ZHX3: variants seen among roughly 807,000 people sequenced by gnomAD.
ZHX3 encodes zinc fingers and homeoboxes 3, also known as zinc fingers and homeoboxes protein 3.
In ZHX3, 20 loss-of-function variants were observed where a neutral mutation model predicts 64.5. The ratio of observed to expected loss-of-function variants is 0.31; its 90% CI spans 0.22 to 0.45. ZHX3 has a LOEUF of 0.45. Ranked by LOEUF, ZHX3 falls within the 20% of genes least tolerant of loss-of-function variation. ZHX3 has a pLI of 1.00. For missense variants in ZHX3, 1,041 were observed against 1,195.8 expected (o/e 0.87, Z 1.91); for synonymous variants, 423 against 461.6 (o/e 0.92, Z 1.07).
chr20:41,225,341 C>T (rs756191900), intron 2 of ZHX3, among the ~76,000 whole-genome samples: 1 of 152,216 alleles, frequency 6.6e-6, no homozygotes, highest in Admixed American at 6.5e-5. Context: ...CTAATTACCA[C>T]CACATCCCAC....
chr20:41,291,746 A>C (rs1405527239), intron 1 of ZHX3, among the ~76,000 whole-genome samples: 1 of 152,116 alleles, frequency 6.6e-6, no homozygotes. Flanking sequence ...TGGGCCATCA[A>C]TTAAAAGTAA....
chr20:41,317,348 G>A (rs941059144), intron 1 of ZHX3, among the ~76,000 whole-genome samples, 161 bp downstream of exon 1: 33 of 152,276 alleles, frequency 2.2e-4, no homozygotes, highest in Admixed American at 1.6e-3. Flanking sequence ...AGGGGCAGCC[G>A]GCGGGAGGGG....
rs577898262 is a variant in ZHX3, at chr20:41,201,744, G to A, written c.2860+313C>T. On this transcript the variant is annotated intron_variant, in intron 3 of 3. Coordinates refer to ENST00000683867, the MANE Select transcript of ZHX3 (RefSeq NM_001384317.1). The surrounding 1 kb of genome is among the most constrained non-coding windows in gnomAD (Gnocchi z 5.0). ...TGGCTGTGGATCTGCCCGACTCAGA[G>A]GATGTTTTGACCTGTTCTCCTATTG... is the stretch of plus-strand genomic sequence containing the variant. Among the ~76,000 whole-genome samples the A allele has an allele frequency of 1.8e-4, 28 of 152,308 alleles. No homozygotes were observed. Among genetic ancestry groups the A allele is most frequent in the African/African-American group, 6.7e-4 (28 of 41,572 alleles).
chr20:41,228,951 G>A lies in ZHX3; in HGVS notation c.-150-23885C>T, dbSNP rs1481071252. Among the ~76,000 whole-genome samples the A allele has an allele frequency of 6.6e-6, 1 of 152,110 alleles. No individual in the cohort carries two copies. The highest frequency in any genetic ancestry group is 1.5e-5 in the Non-Finnish European group (1 of 68,026). On this transcript the variant is annotated intron_variant, in intron 2 of 3. Coordinates refer to ENST00000683867, the MANE Select transcript of ZHX3 (RefSeq NM_001384317.1). The surrounding 1 kb of genome is among the most constrained non-coding windows in gnomAD (Gnocchi z 4.6). ...CATCTTAATCATTTTTAGGTGGAGA[G>A]TTCAGTAGCATTAAGTATTAACACA... is the stretch of plus-strand genomic sequence containing the variant.
intron 2 of ZHX3, among the ~76,000 whole-genome samples, chr20:41,253,857 G>GTATTTTTAGTAGAGATGAGGTTTCACCA (rs1472757783): frequency 6.6e-6 from 1 of 152,128 alleles, no homozygotes; most frequent in Non-Finnish European, 1.5e-5. Flanking sequence ...GTAAAATACT[G>GTATTTTTAGTAGAGATGAGGTTTCACCA]ATGGCTGAAA....
In ZHX3 at chr20:41,202,422, C is replaced by T. The variant is rs200260351; in HGVS notation, c.2495G>A (p.Arg832Gln). 256 of 1,614,142 alleles carry T rather than the reference C, an allele frequency of 1.6e-4. No homozygotes were observed. Among genetic ancestry groups the T allele is most frequent in the Non-Finnish European group, 2.0e-4 (234 of 1,180,008 alleles). Residue 832 changes from arginine (R) to glutamine (Q), a missense_variant, in exon 3 of 4, where the codon CGA (arginine) becomes CAA (glutamine). Transcript: ENST00000683867. This position sits in a 1 kb window ranked among gnomAD's most constrained non-coding sequence, Gnocchi z 7.0. ...GQLKWYEDYK[R>Q]GNFPPGLLVI... is the part of the protein sequence containing the mutation. ...CAGTAGCCCTGGTGGGAAGTTGCCTCGCTTATAGTCTTCGTACCATTTGAG... is the reference window on the plus strand; with the variant it reads ...CAGTAGCCCTGGTGGGAAGTTGCCTTGCTTATAGTCTTCGTACCATTTGAG...
At chr20:41,215,580 C>A (rs951317105) in intron 2 of ZHX3, among the ~76,000 whole-genome samples, 13 of 151,940 alleles carry the variant, frequency 8.6e-5, no homozygotes, top group African/African-American at 3.1e-4. Context: ...ACAGACTCTT[C>A]CAAGCGTTAT....
At chr20:41,307,657 T>C (rs1039974412) in intron 1 of ZHX3, among the ~76,000 whole-genome samples, 6 of 152,228 alleles carry the variant, frequency 3.9e-5, no homozygotes, top group African/African-American at 1.4e-4. Context: ...TGTTGTAGTC[T>C]TGCTAAAATA....
intron 1 of ZHX3, among the ~76,000 whole-genome samples, chr20:41,286,265 T>A (rs1568944679): frequency 6.6e-6 from 1 of 152,022 alleles, no homozygotes; most frequent in South Asian, 2.1e-4. Flanking sequence ...TCCTAAGGGG[T>A]TTTTTAGCAA....
At chr20:41,262,649 G>T (rs564438651) in intron 2 of ZHX3, among the ~76,000 whole-genome samples, 1 of 152,242 alleles carries the variant, frequency 6.6e-6, no homozygotes, top group Admixed American at 6.5e-5. Context: ...TTGAAGGCAG[G>T]GACAGAATTG....
Position 41,317,558 on chromosome 20 carries a change from G to C in ZHX3, c.-294C>G, listed in dbSNP as rs985962377. On this transcript the variant is annotated 5_prime_UTR_variant, in exon 1 of 4. Coordinates refer to ENST00000683867, the MANE Select transcript of ZHX3 (RefSeq NM_001384317.1). ...CCCGCGACCGGGCCGCTCTTCCCGCGCTGCGGGCCTCCCTCCCCGCGGCCG... is the reference window on the plus strand; with the variant it reads ...CCCGCGACCGGGCCGCTCTTCCCGCCCTGCGGGCCTCCCTCCCCGCGGCCG... 6.8e-6 allele frequency: 1 copy of C among 147,244 alleles called. No homozygotes were observed. Among genetic ancestry groups the C allele is most frequent in the African/African-American group, 2.4e-5 (1 of 40,906 alleles). 9.1% of individuals were successfully genotyped at this position (147,244 alleles called of 1,614,324 possible).
At chr20:41,271,837 C>T (rs896167728) in intron 1 of ZHX3, 2 of 152,024 alleles carry the variant, frequency 1.3e-5, no homozygotes, top group Non-Finnish European at 1.5e-5. Context: ...ATACAATTTT[C>T]TTATTCCTGA....
intron 2 of ZHX3, chr20:41,254,680 A>G (rs1376043129): frequency 6.6e-6 from 1 of 152,256 alleles, no homozygotes; most frequent in East Asian, 1.9e-4. Flanking sequence ...GGGTTATGAC[A>G]AATGCAATTA....
chr20:41,249,587 A>G (rs537976539), intron 2 of ZHX3, among the ~76,000 whole-genome samples: 1 of 152,180 alleles, frequency 6.6e-6, no homozygotes, highest in Non-Finnish European at 1.5e-5. Flanking sequence ...CCTTTCAGAT[A>G]TCAAGGTCGT....
chr20:41,255,280 T>C (rs2146530758), intron 2 of ZHX3, among the ~76,000 whole-genome samples: 1 of 152,164 alleles, frequency 6.6e-6, no homozygotes, highest in Non-Finnish European at 1.5e-5. Context: ...GCCTCCTGAG[T>C]AGCTGGGACT....
intron 2 of ZHX3, among the ~76,000 whole-genome samples, chr20:41,251,706 G>C (rs527261964): frequency 6.6e-6 from 1 of 152,202 alleles, no homozygotes; most frequent in South Asian, 2.1e-4. Flanking sequence ...GCTAAAAGTA[G>C]AGTACTGTCT....
rs966383423 is a variant in ZHX3 at position 41,278,673 on chromosome 20, G to A, written c.-244-9590C>T. Reference sequence around the variant, plus strand: ...TGAATATACTTATTGTAGATATATGGAAAATACAGAAGAGTATAAGACTAT... The same window carrying A: ...TGAATATACTTATTGTAGATATATGAAAAATACAGAAGAGTATAAGACTAT... On this transcript the variant is annotated intron_variant, in intron 1 of 3. Transcript: ENST00000683867. Among the ~76,000 whole-genome samples, 15 of 141,768 alleles carry A rather than the reference G, an allele frequency of 1.1e-4. 1 individual carries two copies. Among genetic ancestry groups the A allele is most frequent in the Non-Finnish European group, 1.9e-4 (12 of 64,518 alleles). 93.0% of individuals were successfully genotyped at this position (141,768 alleles called of 152,430 possible). A position where few individuals can be genotyped will look rare whatever the true frequency, so the allele number is the denominator to read the frequency against.
At chr20:41,241,202 C>T (rs2041358717) in intron 2 of ZHX3, among the ~76,000 whole-genome samples, 1 of 152,144 alleles carries the variant, frequency 6.6e-6, no homozygotes, top group South Asian at 2.1e-4. Context: ...GGATAAAGGT[C>T]ATTTTAACTG....
rs768602547 is a variant in ZHX3, at chr20:41,232,776, G to A, written c.-150-27710C>T. On this transcript the variant is annotated intron_variant, in intron 2 of 3. Coordinates refer to ENST00000683867, the MANE Select transcript of ZHX3 (RefSeq NM_001384317.1). This position sits in a 1 kb window ranked among gnomAD's most constrained non-coding sequence, Gnocchi z 5.0. ...AATTTTTTGTATTTTTAGTAGAGAC[G>A]GGGTTTCACCGTGTTAGCCAGGATA... Among the ~76,000 whole-genome samples the A allele has an allele frequency of 1.4e-4, 21 of 151,720 alleles. No homozygotes were observed. The highest frequency in any genetic ancestry group is 2.8e-4 in the Non-Finnish European group (19 of 67,908).
Sources: allele counts gnomAD v4.1 joint callset (sites outside exome capture counted in the v4.1 genomes callset), GRCh38; gene constraint gnomAD v4.1.1; non-coding constraint Gnocchi (gnomAD v3.1); transcripts MANE v1.5; gene names NCBI Gene and HGNC (gene_info 2026-07-23, HGNC 2026-07-21).